MKLN1: variants seen among roughly 807,000 people sequenced by gnomAD.
MKLN1 encodes the protein muskelin.
MKLN1 carries 18 observed loss-of-function variants against 99.0 expected under a neutral mutation model. The ratio of observed to expected loss-of-function variants is 0.18; its 90% confidence interval spans 0.13 to 0.27. The LOEUF (loss-of-function observed/expected upper bound fraction) is 0.27, where lower values mean the gene tolerates loss of function less well. MKLN1 is among the 10% of genes least tolerant of loss of function. The pLI, the probability that MKLN1 is intolerant of heterozygous loss-of-function variation, is 1.00. For synonymous variants in MKLN1, 288 were observed against 293.2 expected, an observed-to-expected ratio of 0.98 and a Z score of 0.18; for missense variants, 621 against 875.9, an observed-to-expected ratio of 0.71 and a Z score of 3.67.
intron 1 of MKLN1, among the ~76,000 whole-genome samples, chr7:131,354,227 C>T (rs1443656289): frequency 6.6e-6 from 1 of 152,056 alleles, no homozygotes; most frequent in Non-Finnish European, 1.5e-5. Flanking sequence ...GAATTGCCAT[C>T]ATTGCTATGT....
At chr7:131,423,177 A>G (rs1016969126) in intron 8 of MKLN1, among the ~76,000 whole-genome samples, 23 of 152,300 alleles carry the variant, frequency 1.5e-4, no homozygotes, top group Middle Eastern at 3.4e-3. Context: ...CTCAATCAGA[A>G]TAGGTATGAA....
At chr7:131,153,664 G>T (rs56264128) in intron 2 of MKLN1, among the ~76,000 whole-genome samples, 69,035 of 139,230 alleles carry the variant, frequency 0.5, 18,416 homozygotes, top group Non-Finnish European at 0.6. Context: ...GTTTTTTTTG[G>T]TTTTTTTTTT....
intron 3 of MKLN1, among the ~76,000 whole-genome samples, chr7:131,232,364 A>C (rs1364675657): frequency 6.6e-6 from 1 of 152,212 alleles, no homozygotes; most frequent in African/African-American, 2.4e-5. Context: ...ATAAAAGAGT[A>C]GTTTTCCTTT....
At chr7:131,216,718 C>T (rs1333848344) in intron 3 of MKLN1, among the ~76,000 whole-genome samples, 2 of 152,182 alleles carry the variant, frequency 1.3e-5, no homozygotes, top group Non-Finnish European at 2.9e-5. Flanking sequence ...AAACACTATA[C>T]TTGTGTCTGT....
intron 3 of MKLN1, among the ~76,000 whole-genome samples, chr7:131,228,443 T>C (rs762870352): frequency 1.4e-4 from 22 of 152,176 alleles, no homozygotes; most frequent in Non-Finnish European, 2.6e-4. Flanking sequence ...ATTTAAAAAA[T>C]AGCTCTTGGG....
At chr7:131,111,806 C>T (rs1176836851) in intron 1 of MKLN1, among the ~76,000 whole-genome samples, 1 of 151,672 alleles carries the variant, frequency 6.6e-6, no homozygotes, top group Non-Finnish European at 1.5e-5. Context: ...AAATACATGT[C>T]GAAGCTGGGG....
chr7:131,470,957 G>A lies in MKLN1; in HGVS notation c.2031+13G>A, dbSNP rs1429399332. 2.0e-6 allele frequency: 3 copies of A among 1,532,440 alleles called. No individual in the cohort carries two copies. Among genetic ancestry groups the A allele is most frequent in the East Asian group, 2.3e-5 (1 of 44,250 alleles). The allele number at this position is 1,532,440 out of a possible 1,614,324, so 94.9% of individuals were successfully genotyped here. The stretch of plus-strand genomic sequence containing the variant: ...AGAGACAAAAGAGGTAAAGAAAGGT[G>A]GTAATAAATTTCAGAAATTAAGTAT... On this transcript the variant is annotated intron_variant, in intron 16 of 17. Transcript: ENST00000352689.
chr7:131,403,114 T>A (rs1473774644), intron 6 of MKLN1, among the ~76,000 whole-genome samples: 1 of 152,198 alleles, frequency 6.6e-6, no homozygotes, highest in East Asian at 1.9e-4. Context: ...ACATTGAAAA[T>A]CTGTTTAGTA....
intron 8 of MKLN1, among the ~76,000 whole-genome samples, chr7:131,418,676 C>T (rs913537760): frequency 1.3e-5 from 2 of 152,208 alleles, no homozygotes; most frequent in African/African-American, 4.8e-5. Context: ...CATGACATGA[C>T]TCTGTCTTTA....
intron 1 of MKLN1, among the ~76,000 whole-genome samples, chr7:131,340,624 A>G (rs1394659596): frequency 6.6e-6 from 1 of 152,134 alleles, no homozygotes; most frequent in African/African-American, 2.4e-5. Context: ...ATTAATAGCT[A>G]TCTTCCCAAC....
At chr7:131,202,146 C>CTTTTTTTTT (rs58800874) in intron 2 of MKLN1, among the ~76,000 whole-genome samples, 78 of 60,272 alleles carry the variant, frequency 1.3e-3, no homozygotes, top group Middle Eastern at 0.01. Context: ...GCACTATTGA[C>CTTTTTTTTT]TTTTTTTTTT....
chr7:131,327,930 C>G lies in MKLN1; in HGVS notation c.31C>G (p.Pro11Ala). The G allele has an allele frequency of 6.2e-7, 1 of 1,613,300 alleles. No individual in the cohort carries two copies. The highest frequency in any genetic ancestry group is 8.5e-7 in the Non-Finnish European group (1 of 1,179,818). Residue 11 changes from proline to alanine, a missense_variant, in exon 1 of 18, where the codon CCC becomes GCC. Physicochemically the swap from Pro to Ala is conservative, Grantham distance 27. This residue lies in a region of MKLN1 where 58 missense variants were observed against 40.0 expected (regional missense o/e 1.45). Coordinates refer to ENST00000352689, the MANE Select transcript of MKLN1 (RefSeq NM_013255.5). MAAGGAVAAA[P>A]ECRLLPYALH... ...GGCTGGCGGAGCTGTCGCTGCGGCG[C>G]CCGAGTGCCGGCTTCTCCCCTACGC...
intron 3 of MKLN1, among the ~76,000 whole-genome samples, chr7:131,257,932 C>A (rs1037813565): frequency 2.6e-5 from 4 of 151,914 alleles, no homozygotes; most frequent in African/African-American, 7.3e-5. Flanking sequence ...CCAGCCCGGG[C>A]AACATAATGA....
At chr7:131,204,330 T>A (rs1023091592) in intron 3 of MKLN1, among the ~76,000 whole-genome samples, 52 of 152,346 alleles carry the variant, frequency 3.4e-4, no homozygotes, top group African/African-American at 1.2e-3. Context: ...ATAGGTATGA[T>A]CATCTTTTGC....
chr7:131,299,386 G>A (rs946371383), intron 3 of MKLN1, among the ~76,000 whole-genome samples: 8 of 152,166 alleles, frequency 5.3e-5, no homozygotes, highest in African/African-American at 1.7e-4. Context: ...AGGAATCTGG[G>A]GCCAATACAG....
At chr7:131,287,098 C>T (rs935544808) in intron 3 of MKLN1, among the ~76,000 whole-genome samples, 8 of 143,960 alleles carry the variant, frequency 5.6e-5, no homozygotes, top group Non-Finnish European at 1.2e-4. Flanking sequence ...TGAAATGAAA[C>T]CCTGTCTCAA....
intron 16 of MKLN1, 50 bp downstream of exon 16, chr7:131,470,994 T>A (rs1052863698): frequency 7.7e-7 from 1 of 1,293,962 alleles, no homozygotes; most frequent in Non-Finnish European, 1.1e-6. Flanking sequence ...TTTAAATGTC[T>A]TCCTAACTTA....
At chr7:131,245,268 C>CTTTT (rs34255726) in intron 3 of MKLN1, among the ~76,000 whole-genome samples, 3 of 129,610 alleles carry the variant, frequency 2.3e-5, no homozygotes, top group Admixed American at 7.9e-5. Context: ...ATTATACGGT[C>CTTTT]TTTTTTTTTT....
rs1563226557 is a variant in MKLN1 at position 131,133,819 on chromosome 7, G to GTTTT, written c.-418-9001_-418-9000insTTTT. Among the ~76,000 whole-genome samples, 22 of 67,238 alleles carry GTTTT rather than the reference G, an allele frequency of 3.3e-4. 2 individuals are homozygous for GTTTT. The highest frequency in any genetic ancestry group is 8.0e-4 in the South Asian group (2 of 2,496). The allele number at this position is 67,238 out of a possible 152,430, so 44.1% of individuals were successfully genotyped here. ...ACTTCTTTTTTTTTTTTTTTAATTT[G>GTTTT]GTTTTTTTTTTTTTTTTTTTTTTTT... On this transcript the variant is annotated intron_variant, in intron 1 of 7. Transcript: ENST00000416992.
Sources: allele counts gnomAD v4.1 joint callset (sites outside exome capture counted in the v4.1 genomes callset), GRCh38; gene constraint gnomAD v4.1.1; regional missense constraint gnomAD v4.1.1; transcripts MANE v1.5; gene names NCBI Gene and HGNC (gene_info 2026-07-23, HGNC 2026-07-21).